Variants in PLXNC1 observed in about 807,000 individuals in gnomAD.
PLXNC1 encodes the protein plexin-C1.
A neutral mutation model predicts 178.2 loss-of-function variants in PLXNC1; 75 were observed. The observed-to-expected ratio is 0.42, with a 90% CI of 0.35 to 0.51. PLXNC1 has a LOEUF of 0.51. PLXNC1 is among the 20% of genes least tolerant of loss of function. The pLI, the probability that PLXNC1 is intolerant of heterozygous loss-of-function variation, is 0.02. For missense variants in PLXNC1, 1,503 were observed against 1,984.4 expected, an observed-to-expected ratio of 0.76 and a Z score of 4.61; for synonymous variants, 790 against 779.9, an observed-to-expected ratio of 1.01 and a Z score of -0.22.
In PLXNC1 at chr12:94,293,787, T is replaced by TA. The variant is rs1433689183; in HGVS notation, c.3880-692dup. On this transcript the variant is annotated intron_variant, in intron 23 of 30. Transcript: ENST00000258526. ...GTGTGCACCAATGCGCCCAGATAAT[T>TA]AAAAAAATTTTTTTTATACAGAGGG... Among the ~76,000 whole-genome samples the TA allele has an allele frequency of 5.3e-5, 8 of 152,238 alleles. No homozygotes were observed. The East Asian group carries it at 1.2e-3, about 22-fold the overall frequency.
intron 28 of PLXNC1, among the ~76,000 whole-genome samples, chr12:94,301,976 ATCCCTTCATCCCG>A (rs1384940043): frequency 1.3e-5 from 2 of 151,858 alleles, no homozygotes; most frequent in Non-Finnish European, 2.9e-5. Flanking sequence ...ACTTAGCCTT[ATCCCTTCATCCCG>A]TCCCTACTGG....
intron 1 of PLXNC1, among the ~76,000 whole-genome samples, chr12:94,159,957 G>A (rs1961316876): frequency 6.6e-6 from 1 of 152,236 alleles, no homozygotes; most frequent in Non-Finnish European, 1.5e-5. Context: ...GAGAGGAGGG[G>A]TGAAGTGAAA....
chr12:94,188,771 G>T (rs1003870325), intron 4 of PLXNC1, among the ~76,000 whole-genome samples: 3 of 152,232 alleles, frequency 2.0e-5, no homozygotes, highest in African/African-American at 7.2e-5. Flanking sequence ...ATATGACTTG[G>T]TGTGCCAGTA....
intron 1 of PLXNC1, among the ~76,000 whole-genome samples, chr12:94,150,472 C>T (rs1960917423): frequency 6.6e-6 from 1 of 152,230 alleles, no homozygotes; most frequent in African/African-American, 2.4e-5. Context: ...AACACAGTGC[C>T]CTCGGCAGAG....
rs1164619578 is a variant in PLXNC1 at position 94,306,367 on chromosome 12, G to GAAAGT, written c.*1084_*1088dup. 4.6e-5 allele frequency: 7 copies of GAAAGT among 152,088 alleles called. No homozygotes were observed. Among genetic ancestry groups the GAAAGT allele is most frequent in the Non-Finnish European group, 1.0e-4 (7 of 68,012 alleles). The allele number at this position is 152,088 out of a possible 1,614,324, so 9.4% of individuals were successfully genotyped here. ...ATCTTAGTCTTACTATGTACTTTTT[G>GAAAGT]AAAGTATTCCTCGCAGGAGAAAGAA... On this transcript the variant is annotated 3_prime_UTR_variant, in exon 31 of 31. Transcript: ENST00000258526.
intron 2 of PLXNC1, among the ~76,000 whole-genome samples, chr12:94,174,506 A>G (rs1308330353): frequency 6.6e-6 from 1 of 152,238 alleles, no homozygotes; most frequent in Non-Finnish European, 1.5e-5. Flanking sequence ...TATTCAAATC[A>G]CAGCAAAATT....
At chr12:94,301,252 CAAAAT>C (rs1416816927) in intron 28 of PLXNC1, among the ~76,000 whole-genome samples, 195 bp downstream of exon 28, 2 of 152,080 alleles carry the variant, frequency 1.3e-5, no homozygotes, top group Non-Finnish European at 2.9e-5. Context: ...AAGTGAAAAA[CAAAAT>C]AATTAGCCCC....
chr12:94,249,440 G>A (rs1964617194), intron 14 of PLXNC1, among the ~76,000 whole-genome samples: 1 of 152,068 alleles, frequency 6.6e-6, no homozygotes, highest in Admixed American at 6.6e-5. Flanking sequence ...CACTGTGTTG[G>A]GCTGGCTGGT....
chr12:94,226,623 A>C lies in PLXNC1; in HGVS notation c.1809A>C (p.Glu603Asp). The change falls in exon 8 of 31, where the codon GAA becomes GAC. Residue 603 changes from glutamate to aspartate, a missense_variant. Glu to Asp is a conservative substitution (Grantham distance 45). Transcript: ENST00000258526. ...SSLKECPACV[E>D]TGCAWCKSAR... Reference sequence around the variant, plus strand: ...TTGCTAGATGCCCAGCATGCGTAGAAACTGGCTGCGCGTGGTGTAAAAGTG... The same window carrying C: ...TTGCTAGATGCCCAGCATGCGTAGACACTGGCTGCGCGTGGTGTAAAAGTG... 6.2e-7 allele frequency: 1 copy of C among 1,613,464 alleles called. No individual in the cohort carries two copies. Among genetic ancestry groups the C allele is most frequent in the Non-Finnish European group, 8.5e-7 (1 of 1,179,466 alleles).
chr12:94,246,972 GT>G (rs1261774547), intron 12 of PLXNC1, among the ~76,000 whole-genome samples: 1 of 152,090 alleles, frequency 6.6e-6, no homozygotes, highest in Non-Finnish European at 1.5e-5. Context: ...TCTGTAGAAT[GT>G]TTGCCATCCT....
At chr12:94,192,874 A>AT (rs1296004791) in intron 4 of PLXNC1, among the ~76,000 whole-genome samples, 1 of 152,234 alleles carries the variant, frequency 6.6e-6, no homozygotes, top group Non-Finnish European at 1.5e-5. Context: ...GGATTGAAGA[A>AT]TTGGGAGCAA....
At chr12:94,199,955 C>T (rs1202817244) in intron 4 of PLXNC1, among the ~76,000 whole-genome samples, 4 of 152,178 alleles carry the variant, frequency 2.6e-5, no homozygotes, top group South Asian at 2.1e-4. Context: ...CCACCATGCT[C>T]GCCTAATTTT....
In PLXNC1 at chr12:94,305,421, C is replaced by G. The variant is rs1968903968; in HGVS notation, c.*136C>G. The G allele has an allele frequency of 1.6e-6, 1 of 610,230 alleles. No homozygotes were observed. The highest frequency in any genetic ancestry group is 1.9e-5 in the African/African-American group (1 of 53,874). 37.8% of individuals were successfully genotyped at this position (610,230 alleles called of 1,614,324 possible). On this transcript the variant is annotated 3_prime_UTR_variant, in exon 31 of 31. Coordinates refer to ENST00000258526, the MANE Select transcript of PLXNC1 (RefSeq NM_005761.3). ...TTTGGGCACTGTCTTTTTAAGAGAC[C>G]AAGGCACATGCACAGCTTTTAGAAA... is the stretch of plus-strand genomic sequence containing the variant.
chr12:94,169,867 C>T (rs778400836), intron 2 of PLXNC1, among the ~76,000 whole-genome samples: 1 of 152,106 alleles, frequency 6.6e-6, no homozygotes, highest in Non-Finnish European at 1.5e-5. Context: ...TATTTCTTCT[C>T]CACTGTGTGG....
At position 94,199,253 on chromosome 12, in the gene PLXNC1, C is replaced by G. The variant is rs374843893; in HGVS notation, c.1440-10337C>G. 5.9e-5 allele frequency among the ~76,000 whole-genome samples: 9 copies of G among 152,340 alleles called. 1 individual carries two copies. The East Asian group carries it at 1.4e-3, about 23-fold the overall frequency. On this transcript the variant is annotated intron_variant, in intron 4 of 30. Transcript: ENST00000258526. ...TGAGACAGAAGAGCCTTCCTCCTTT[C>G]CTTCCAATCCGGGATGTGTCCTTGT... is the stretch of plus-strand genomic sequence containing the variant.
intron 4 of PLXNC1, among the ~76,000 whole-genome samples, chr12:94,199,571 T>C (rs1963044603): frequency 6.6e-6 from 1 of 152,154 alleles, no homozygotes; most frequent in South Asian, 2.1e-4. Flanking sequence ...TGGGGGGCTT[T>C]CCAACACCAG....
chr12:94,212,031 T>C (rs931903072), intron 5 of PLXNC1, among the ~76,000 whole-genome samples: 6 of 152,070 alleles, frequency 3.9e-5, no homozygotes, highest in East Asian at 3.9e-4. Flanking sequence ...TCCCAGCACG[T>C]TGGGAGGCCG....
intron 20 of PLXNC1, 124 bp from the exon 21 acceptor site, chr12:94,264,955 G>GT (rs1332563595): frequency 2.4e-5 from 23 of 960,422 alleles, no homozygotes; most frequent in Non-Finnish European, 3.5e-5. Context: ...TTTCTTGGGC[G>GT]TTTCATGTTG....
At chr12:94,275,462 C>T (rs1225326808) in intron 21 of PLXNC1, among the ~76,000 whole-genome samples, 1 of 152,162 alleles carries the variant, frequency 6.6e-6, no homozygotes, top group Admixed American at 6.5e-5. Flanking sequence ...GCATCTGCTC[C>T]CCATCACAGA....
Sources: gnomAD v4.1 joint callset for allele counts (sites outside exome capture counted in the v4.1 genomes callset) on GRCh38, gnomAD v4.1.1 for gene constraint, MANE v1.5 for transcripts, NCBI Gene and HGNC (gene_info 2026-07-23, HGNC 2026-07-21) for gene names.